The following PDE8A variants were observed in gnomAD, a reference collection of about 807,000 sequenced individuals.
PDE8A encodes phosphodiesterase 8A, also known as high affinity cAMP-specific and IBMX-insensitive 3',5'-cyclic phosphodiesterase 8A.
In PDE8A, 59 loss-of-function variants were observed where a neutral mutation model predicts 105.0. That is an observed-to-expected ratio of 0.56 (90% confidence interval 0.46 to 0.70). The LOEUF (loss-of-function observed/expected upper bound fraction) is 0.70, where lower values mean the gene tolerates loss of function less well. PDE8A is among the 30% of genes least tolerant of loss of function. PDE8A has a pLI of 0.00. For synonymous variants in PDE8A, 355 were observed against 371.9 expected, an observed-to-expected ratio of 0.95 and a Z score of 0.52; for missense variants, 1,014 against 1,045.9, an observed-to-expected ratio of 0.97 and a Z score of 0.42.
chr15:85,014,478 T>C (rs2080291559), intron 1 of PDE8A, among the ~76,000 whole-genome samples: 1 of 152,250 alleles, frequency 6.6e-6, no homozygotes, highest in South Asian at 2.1e-4. Context: ...AATGCTTGTT[T>C]CTTGTTCTCC....
rs1012114349 is a variant in PDE8A, at chr15:85,137,131, C to T, written c.2383+468C>T. 7.9e-5 allele frequency among the ~76,000 whole-genome samples: 12 copies of T among 152,276 alleles called. 1 individual carries two copies. The highest frequency in any genetic ancestry group is 3.9e-4 in the Admixed American group (6 of 15,294). On this transcript the variant is annotated intron_variant, in intron 21 of 21. Transcript: ENST00000394553. ...AGAATATCGGAGAACTGATATTCCA[C>T]GTGCATCTTCGTCCTGAGGGCTGCA... is the stretch of plus-strand genomic sequence containing the variant.
intron 7 of PDE8A, 57 bp downstream of exon 7, chr15:85,089,473 T>C (rs1567276669): frequency 9.9e-7 from 1 of 1,006,706 alleles, no homozygotes; most frequent in South Asian, 1.4e-5. Context: ...TTTCCAACTT[T>C]TAGGATTGAA....
intron 1 of PDE8A, among the ~76,000 whole-genome samples, chr15:84,986,804 A>C: frequency 6.6e-6 from 1 of 151,574 alleles, no homozygotes. Flanking sequence ...TGTCGAGACG[A>C]GATCTTGCTG....
chr15:85,000,781 T>G (rs2080054976), intron 1 of PDE8A, among the ~76,000 whole-genome samples: 1 of 152,252 alleles, frequency 6.6e-6, no homozygotes, highest in African/African-American at 2.4e-5. Flanking sequence ...TTCTTAGCTT[T>G]CTTTACCACT....
At chr15:85,038,385 A>G (rs1044400121) in intron 1 of PDE8A, among the ~76,000 whole-genome samples, 13 of 152,182 alleles carry the variant, frequency 8.5e-5, no homozygotes, top group Non-Finnish European at 4.4e-5. Context: ...TGATGACCCA[A>G]AGTTCTTAAT....
chr15:84,999,293 G>T (rs2080028393), intron 1 of PDE8A, among the ~76,000 whole-genome samples: 1 of 151,708 alleles, frequency 6.6e-6, no homozygotes, highest in Non-Finnish European at 1.5e-5. Context: ...GCTAATTTTT[G>T]TATTTTTAGT....
At chr15:85,096,619 A>T (rs2081758440) in intron 8 of PDE8A, among the ~76,000 whole-genome samples, 1 of 152,136 alleles carries the variant, frequency 6.6e-6, no homozygotes, top group South Asian at 2.1e-4. Context: ...CAAGTTGTGG[A>T]CATGGAGGAC....
chr15:85,016,984 G>A lies in PDE8A; in HGVS notation c.186+34636G>A, dbSNP rs189378451. ...TTTTTTAATAAATGAAGCCTGGGCC[G>A]GGCGCGGTGGCTCACGCCTGTAATC... On this transcript the variant is annotated intron_variant, in intron 1 of 21. Coordinates refer to ENST00000394553, the MANE Select transcript of PDE8A (RefSeq NM_002605.3). Among the ~76,000 whole-genome samples, 59 of 151,118 alleles carry A rather than the reference G, an allele frequency of 3.9e-4. No individual in the cohort carries two copies. The East Asian group carries it at 0.01, about 26-fold the overall frequency.
chr15:85,062,694 A>G (rs1336793835), intron 1 of PDE8A: 1 of 152,208 alleles, frequency 6.6e-6, no homozygotes, highest in African/African-American at 2.4e-5. Flanking sequence ...ACAGCTGCCC[A>G]CCATGGGCCT....
Position 85,096,930 on chromosome 15 carries a change from T to A in PDE8A, c.853-1018T>A, listed in dbSNP as rs559016148. ...AGAGGAGTCTGAAGATGAGCTCTTA[T>A]CATTGGTATTTGGATGCAGGTTGCC... is the stretch of plus-strand genomic sequence containing the variant. On this transcript the variant is annotated intron_variant, in intron 8 of 21. Coordinates refer to ENST00000394553, the MANE Select transcript of PDE8A (RefSeq NM_002605.3). Among the ~76,000 whole-genome samples, 8 of 152,346 alleles carry A rather than the reference T, an allele frequency of 5.3e-5. No individual in the cohort carries two copies. The East Asian group carries it at 1.3e-3, about 26-fold the overall frequency.
intron 11 of PDE8A, among the ~76,000 whole-genome samples, chr15:85,107,365 G>T (rs967827191): frequency 1.3e-5 from 2 of 152,346 alleles, no homozygotes; most frequent in African/African-American, 4.8e-5. Context: ...ATGAGCCATT[G>T]AAGTGTTTTG....
Position 85,137,655 on chromosome 15 carries a change from C to G in PDE8A, c.2384-142C>G, listed in dbSNP as rs888833364. 5 of 603,112 alleles carry G rather than the reference C, an allele frequency of 8.3e-6. No individual in the cohort carries two copies. The African/African-American group carries it at 9.3e-5, about 11-fold the overall frequency. 37.4% of individuals were successfully genotyped at this position (603,112 alleles called of 1,614,324 possible). On this transcript the variant is annotated intron_variant, in intron 21 of 21. Transcript: ENST00000394553. ...TTCAGTCAGCCACGGCTCGTTGAAG[C>G]TGCTGGGTGTGTTTGCCCGGGTCTG...
chr15:85,128,461 A>C (rs1047124186), intron 20 of PDE8A, among the ~76,000 whole-genome samples: 6 of 152,184 alleles, frequency 3.9e-5, no homozygotes, highest in Non-Finnish European at 8.8e-5. Context: ...TGTACACTGC[A>C]CTCCAACCTG....
intron 1 of PDE8A, among the ~76,000 whole-genome samples, chr15:85,014,914 C>G (rs1201653618): frequency 1.3e-5 from 2 of 152,154 alleles, no homozygotes; most frequent in African/African-American, 4.8e-5. Context: ...CAGTCCCTCC[C>G]CATTGCCTCC....
chr15:85,066,776 TA>T (rs1262658516), intron 2 of PDE8A, among the ~76,000 whole-genome samples: 1 of 151,948 alleles, frequency 6.6e-6, no homozygotes, highest in African/African-American at 2.4e-5. Context: ...CCGTCTCTAC[TA>T]AAAATACAAA....
chr15:85,120,956 T>C lies in PDE8A; in HGVS notation c.1894T>C (p.Leu632=), dbSNP rs774180588. ...TGTGCTGGAGAGCCACCATGCGGCC[T>C]TGGCCTTCCAGCTGACCACTGGAGA... ...TAVLESHHAA[L]AFQLTTGDDK... Residue 632 remains leucine (L), a synonymous_variant, in exon 18 of 22, where the codon TTG becomes CTG. Coordinates refer to ENST00000394553, the MANE Select transcript of PDE8A (RefSeq NM_002605.3). The C allele has an allele frequency of 6.2e-7, 1 of 1,614,074 alleles. No individual in the cohort carries two copies. The highest frequency in any genetic ancestry group is 8.5e-7 in the Non-Finnish European group (1 of 1,179,964).
chr15:85,005,450 T>C (rs2080131171), intron 1 of PDE8A, among the ~76,000 whole-genome samples: 1 of 152,210 alleles, frequency 6.6e-6, no homozygotes, highest in South Asian at 2.1e-4. Context: ...TTGAGTTAAA[T>C]ATTCCAGGCC....
At chr15:85,092,916 T>A (rs1184525964) in intron 8 of PDE8A, among the ~76,000 whole-genome samples, 2 of 61,154 alleles carry the variant, frequency 3.3e-5, no homozygotes, top group Non-Finnish European at 5.7e-5. Flanking sequence ...CCTATACTGC[T>A]TTCCTTTTTT....
chr15:85,016,326 A>G (rs752183404), intron 1 of PDE8A, among the ~76,000 whole-genome samples: 39 of 152,176 alleles, frequency 2.6e-4, no homozygotes, highest in Non-Finnish European at 5.1e-4. Context: ...TCACATTTAA[A>G]TCTTCAATCC....
Sources: allele counts gnomAD v4.1 joint callset (sites outside exome capture counted in the v4.1 genomes callset), GRCh38; gene constraint gnomAD v4.1.1; transcripts MANE v1.5; gene names NCBI Gene and HGNC (gene_info 2026-07-23, HGNC 2026-07-21).